RNF123: variants seen among roughly 807,000 people sequenced by gnomAD.
The protein encoded by RNF123 is E3 ubiquitin-protein ligase RNF123.
Under a neutral mutation model 168.5 loss-of-function variants are expected in RNF123, and 86 were observed. The observed-to-expected ratio is 0.51, with a 90% confidence interval of 0.43 to 0.61. The LOEUF (loss-of-function observed/expected upper bound fraction) is 0.61, where lower values mean the gene tolerates loss of function less well. Ranked by LOEUF, RNF123 falls within the 20% of genes least tolerant of loss-of-function variation. RNF123 has a pLI of 0.00. For missense variants in RNF123, 1,419 were observed against 1,729.7 expected (o/e 0.82, Z 3.19); for synonymous variants, 666 against 689.1 (o/e 0.97, Z 0.52).
In RNF123 at chr3:49,701,902, G is replaced by A. The variant is rs1300720354; in HGVS notation, c.1487G>A (p.Arg496His). ...YERGCQRLRK[R>H]IEVVEELQVQ... ...CGGGGCTGTCAGCGGCTCAGGAAGC[G>A]CATCGAAGGTCAGCCCGCCTTGGGC... Residue 496 changes from arginine to histidine, a missense_variant, in exon 17 of 39, where the codon CGC becomes CAC. Physicochemically the swap from Arg to His is conservative, Grantham distance 29 (BLOSUM62 0). This residue lies in a region of RNF123 where 349 missense variants were observed against 344.9 expected (regional missense o/e 1.01). Coordinates refer to ENST00000327697, the MANE Select transcript of RNF123 (RefSeq NM_022064.5). 15 of 1,560,838 alleles carry A rather than the reference G, an allele frequency of 9.6e-6. No homozygotes were observed. The highest frequency in any genetic ancestry group is 2.3e-5 in the East Asian group (1 of 42,566).
At chr3:49,705,387 C>T (rs909242932) in intron 23 of RNF123, 147 bp from the exon 24 acceptor site, 16 of 1,284,858 alleles carry the variant, frequency 1.2e-5, no homozygotes, top group Non-Finnish European at 1.7e-5. Context: ...CCCTGCACTC[C>T]ACCCCTACCC....
rs896725026 is a variant in RNF123, at chr3:49,720,819, C to T, written c.3663C>T (p.Ala1221=). 1.3e-5 allele frequency: 21 copies of T among 1,614,164 alleles called. No individual in the cohort carries two copies. The highest frequency in any genetic ancestry group is 1.6e-5 in the Non-Finnish European group (19 of 1,180,028). Residue 1221 remains alanine, a synonymous_variant, in exon 37 of 39, where the codon GCC becomes GCT. Coordinates refer to ENST00000327697, the MANE Select transcript of RNF123 (RefSeq NM_022064.5). The part of the protein sequence containing the change: ...SLQSYADYIS[A]DELAQVEQML... ...CCCCAGATGCGGATTATATCAGTGC[C>T]GATGAGCTGGCCCAAGTGGAACAGA... is the stretch of plus-strand genomic sequence containing the variant.
Position 49,699,286 on chromosome 3 carries a change from C to T in RNF123, c.764+181C>T, listed in dbSNP as rs2054328237. Among the ~76,000 whole-genome samples the T allele has an allele frequency of 6.6e-6, 1 of 151,968 alleles. No individual in the cohort carries two copies. Among genetic ancestry groups the T allele is most frequent in the Admixed American group, 6.5e-5 (1 of 15,272 alleles). The stretch of plus-strand genomic sequence containing the variant: ...TCGCAGCAGCCTGGTTGGTTGGGTG[C>T]CCTTGTCTCCACTGAACAGATGAGG... On this transcript the variant is annotated intron_variant, in intron 10 of 38. Coordinates refer to ENST00000327697, the MANE Select transcript of RNF123 (RefSeq NM_022064.5). The surrounding 1 kb of genome is among the most constrained non-coding windows in gnomAD (Gnocchi z 4.8).
intron 3 of RNF123, among the ~76,000 whole-genome samples, chr3:49,695,785 C>T (rs1354652776): frequency 1.3e-5 from 2 of 152,180 alleles, no homozygotes; most frequent in African/African-American, 4.8e-5. Flanking sequence ...CTCTGTTCTG[C>T]CTGAGTCCTG....
At chr3:49,707,396 A>C (rs1384418992) in intron 26 of RNF123, among the ~76,000 whole-genome samples, 1 of 152,182 alleles carries the variant, frequency 6.6e-6, no homozygotes, top group African/African-American at 2.4e-5. Flanking sequence ...GGACACACAC[A>C]CATTAATAAG....
chr3:49,694,887 C>T (rs2054237449), intron 3 of RNF123, among the ~76,000 whole-genome samples: 1 of 152,024 alleles, frequency 6.6e-6, no homozygotes, highest in Non-Finnish European at 1.5e-5. Flanking sequence ...CCAGGAGAGA[C>T]AGCAGGTGGT....
rs61760878 is a variant in RNF123, at chr3:49,713,534, G to A, written c.2696G>A (p.Arg899His). ...GCAGGCTATGAAGAGACCCTGACCC[G>A]CCTGGCTGCCATTCTCGCCAAACAC... is the stretch of plus-strand genomic sequence containing the variant. ...ELPGYEETLT[R>H]LAAILAKHFA... Residue 899 changes from arginine (R) to histidine (H), a missense_variant, in exon 28 of 39, where the codon CGC (arginine) becomes CAC (histidine). By Grantham distance (29) the Arg-to-His change is conservative. Transcript: ENST00000327697. The A allele has an allele frequency of 1.4e-5, 22 of 1,611,162 alleles. No individual in the cohort carries two copies. The highest frequency in any genetic ancestry group is 7.7e-5 in the South Asian group (7 of 90,462).
chr3:49,714,611 G>A (rs2080205090), intron 31 of RNF123, among the ~76,000 whole-genome samples: 1 of 152,222 alleles, frequency 6.6e-6, no homozygotes, highest in Non-Finnish European at 1.5e-5. Flanking sequence ...TTAGGCCTTG[G>A]ACACCTGAGT....
At chr3:49,705,464 C>T (rs1348684921) in intron 23 of RNF123, 70 bp from the exon 24 acceptor site, 63 of 1,524,572 alleles carry the variant, frequency 4.1e-5, no homozygotes, top group Non-Finnish European at 5.4e-5. Context: ...GATTTCCTCT[C>T]CTGCTGTGAG....
At chr3:49,704,588 C>T in intron 21 of RNF123, 62 bp from the exon 22 acceptor site, 1 of 1,403,592 alleles carries the variant, frequency 7.1e-7, no homozygotes, top group Non-Finnish European at 9.9e-7. Flanking sequence ...CCGTCCTGGG[C>T]ACTTCCACTG....
intron 5 of RNF123, 97 bp from the exon 6 acceptor site, chr3:49,697,788 C>T (rs2054297658): frequency 6.8e-7 from 1 of 1,468,148 alleles, no homozygotes; most frequent in Non-Finnish European, 9.5e-7. Flanking sequence ...CAGGCAAATA[C>T]CACCAGGGCT....
intron 33 of RNF123, 42 bp downstream of exon 33, chr3:49,716,052 C>T (rs367919738): frequency 3.1e-6 from 5 of 1,613,486 alleles, no homozygotes; most frequent in Non-Finnish European, 3.4e-6. Flanking sequence ...CTGGGGATGC[C>T]CCATTGATGA....
At chr3:49,718,877 G>A in intron 35 of RNF123, 2 of 1,613,560 alleles carry the variant, frequency 1.2e-6, no homozygotes, top group Non-Finnish European at 8.5e-7. Context: ...ACGGAGATGT[G>A]TCCCAGCCGG....
Position 49,701,598 on chromosome 3 carries a change from C to A in RNF123, c.1385C>A (p.Ser462Tyr). The change falls in exon 16 of 39, where the codon TCC becomes TAC. Residue 462 changes from serine (S) to tyrosine (Y), a missense_variant. By Grantham distance (144) the Ser-to-Tyr change is moderately radical (BLOSUM62 -2). This residue lies in a region of RNF123 where 349 missense variants were observed against 344.9 expected (regional missense o/e 1.01). Coordinates refer to ENST00000327697, the MANE Select transcript of RNF123 (RefSeq NM_022064.5). Reference protein sequence around the residue: ...LIPTTWWPHCSSREGKESTEM... With the variant: ...LIPTTWWPHCYSREGKESTEM... ...CCCACCACCTGGTGGCCCCACTGCT[C>A]CAGTAGGGAGGTGAGTGCACCCCAA... The A allele has an allele frequency of 6.2e-7, 1 of 1,612,260 alleles. No individual in the cohort carries two copies. Among genetic ancestry groups the A allele is most frequent in the African/African-American group, 1.3e-5 (1 of 75,038 alleles).
chr3:49,695,214 C>T (rs1186875371), intron 3 of RNF123, among the ~76,000 whole-genome samples: 1 of 152,164 alleles, frequency 6.6e-6, no homozygotes, highest in Non-Finnish European at 1.5e-5. Context: ...GGAATCCTCC[C>T]ACCTCAGCCT....
chr3:49,694,627 C>T (rs1437277172), intron 3 of RNF123, among the ~76,000 whole-genome samples: 2 of 152,208 alleles, frequency 1.3e-5, no homozygotes, highest in African/African-American at 4.8e-5. Context: ...CACGGTTGTC[C>T]CTGTCTCTCA....
In RNF123 at chr3:49,721,172, T is replaced by C. The variant is rs1233407907; in HGVS notation, c.3825-13T>C. On this transcript the variant is annotated splice_polypyrimidine_tract_variant and intron_variant, in intron 38 of 38. Transcript: ENST00000327697. ...TACATGCAGGGCAGTCCTCATCCCC[T>C]CCCCTGTTGTAGAGCCTGTATCAAC... 2 of 1,613,954 alleles carry C rather than the reference T, an allele frequency of 1.2e-6. No individual in the cohort carries two copies. Among genetic ancestry groups the C allele is most frequent in the African/African-American group, 2.7e-5 (2 of 74,862 alleles).
In RNF123 at chr3:49,697,203, T is replaced by TGAG; in HGVS notation, c.237_239dup (p.Glu80dup). 1 of 1,613,968 alleles carries TGAG rather than the reference T, an allele frequency of 6.2e-7. No homozygotes were observed. The highest frequency in any genetic ancestry group is 1.6e-4 in the Middle Eastern group (1 of 6,062). Reference sequence around the variant, plus strand: ...TGGACCAGTTGCTACAGGTGGACAATGAGGAGGAGGAAAGCCAGGGTATGT... The same window carrying TGAG: ...TGGACCAGTTGCTACAGGTGGACAATGAGGAGGAGGAGGAAAGCCAGGGTATGT... On this transcript the variant is annotated inframe_insertion, in exon 4 of 39. Transcript: ENST00000327697.
Position 49,705,157 on chromosome 3 carries a change from C to CGTGG in RNF123, c.2134_2137dup (p.Glu713GlyfsTer7), listed in dbSNP as rs1559679334. The CGTGG allele has an allele frequency of 1.9e-6, 3 of 1,605,902 alleles. No individual in the cohort carries two copies. In the African/African-American group the frequency reaches 4.0e-5, roughly 21 times the overall value. On this transcript the variant is annotated frameshift_variant, in exon 23 of 39. Transcript: ENST00000327697. LOFTEE classifies it high-confidence loss of function. ...AGAAAGTGAAGGTCCGCACGCTGAG[C>CGTGG]GTGGAGCAGAGGACCCGTGAGGACA...
Sources: gnomAD v4.1 joint callset for allele counts (sites outside exome capture counted in the v4.1 genomes callset) on GRCh38, gnomAD v4.1.1 for gene constraint, gnomAD v4.1.1 regional missense constraint, Gnocchi (gnomAD v3.1) non-coding constraint, MANE v1.5 for transcripts, NCBI Gene and HGNC (gene_info 2026-07-23, HGNC 2026-07-21) for gene names.